The following FGF14 variants were observed in gnomAD, a reference collection of about 807,000 sequenced individuals.
The protein encoded by FGF14 is fibroblast growth factor 14, also known as fibroblast growth factor homologous factor 4.
In FGF14, 5 loss-of-function variants were observed where a neutral mutation model predicts 25.5. That is an observed-to-expected ratio of 0.20 (90% confidence interval 0.10 to 0.41). FGF14 has a LOEUF of 0.41. Ranked by LOEUF, FGF14 falls within the 10% of genes least tolerant of loss-of-function variation. The pLI is 1.00. For missense variants in FGF14, 222 were observed against 320.1 expected (o/e 0.69, Z 2.34); for synonymous variants, 138 against 118.3 (o/e 1.17, Z -1.08).
chr13:102,146,528 A>G (rs180807188), intron 1 of FGF14, among the ~76,000 whole-genome samples: 1 of 152,302 alleles, frequency 6.6e-6, no homozygotes, highest in East Asian at 1.9e-4. Context: ...TTACAGAGTA[A>G]TAAATACCGT....
chr13:101,959,607 C>T (rs1404705592), intron 1 of FGF14, among the ~76,000 whole-genome samples: 1 of 152,156 alleles, frequency 6.6e-6, no homozygotes, highest in Non-Finnish European at 1.5e-5. Context: ...TCCTCTGACT[C>T]CCAGCTACTG....
intron 1 of FGF14, among the ~76,000 whole-genome samples, chr13:102,360,962 G>A (rs1471120304): frequency 6.6e-6 from 1 of 152,004 alleles, no homozygotes; most frequent in Non-Finnish European, 1.5e-5. Context: ...TTAGATTGCT[G>A]TATCATTTGA....
At chr13:101,961,717 C>A (rs2036870093) in intron 1 of FGF14, among the ~76,000 whole-genome samples, 1 of 152,118 alleles carries the variant, frequency 6.6e-6, no homozygotes, top group South Asian at 2.1e-4. Flanking sequence ...TTATGAGGGC[C>A]TTTTCCCCTT....
At chr13:101,951,101 C>G (rs1389392092) in intron 1 of FGF14, among the ~76,000 whole-genome samples, 1 of 152,162 alleles carries the variant, frequency 6.6e-6, no homozygotes, top group Non-Finnish European at 1.5e-5. Flanking sequence ...GAAATTTATA[C>G]TACAAAAGTA....
rs1367881050 is a variant in FGF14 at position 101,916,590 on chromosome 13, T to C, written c.56A>G (p.Gln19Arg). Residue 19 changes from glutamine to arginine, a missense_variant, in exon 1 of 5, where the codon CAG becomes CGG. Gln to Arg is a conservative substitution (Grantham distance 43). Transcript: ENST00000376143. The stretch of plus-strand genomic sequence containing the variant: ...GCTGGCAGACGGCCGGTCCCAGTGC[T>C]GCTCCCGCGCCTGCCGCTTCTGGCG... ...LIRQKRQARE[Q>R]HWDRPSASRR... The C allele has an allele frequency of 3.8e-6, 6 of 1,596,094 alleles. No individual in the cohort carries two copies. The highest frequency in any genetic ancestry group is 5.1e-6 in the Non-Finnish European group (6 of 1,171,928).
intron 1 of FGF14, among the ~76,000 whole-genome samples, chr13:101,924,981 G>A (rs189611714): frequency 6.6e-6 from 1 of 152,268 alleles, no homozygotes; most frequent in Non-Finnish European, 1.5e-5. Context: ...AAAAAAAGGT[G>A]TGCATGTGCA....
At position 101,804,068 on chromosome 13, in the gene FGF14, TAAG is replaced by T. The variant is rs1446216113; in HGVS notation, c.408+64654_408+64656del. ...CTTAGAAAAAAAAAAAGCCAGAGAA[TAAG>T]AAGGAGCATGGGAAGGATGTGTTAC... On this transcript the variant is annotated intron_variant, in intron 3 of 4. Coordinates refer to ENST00000376143, the MANE Select transcript of FGF14 (RefSeq NM_004115.4). Among the ~76,000 whole-genome samples, 3 of 151,472 alleles carry T rather than the reference TAAG, an allele frequency of 2.0e-5. No individual in the cohort carries two copies. In the East Asian group the frequency reaches 5.8e-4, roughly 29 times the overall value.
intron 1 of FGF14, among the ~76,000 whole-genome samples, chr13:102,274,928 G>A (rs1186379969): frequency 6.7e-6 from 1 of 149,558 alleles, no homozygotes; most frequent in African/African-American, 2.5e-5. Context: ...AAATAATGAC[G>A]AGTAAAATAG....
At chr13:102,094,181 C>A (rs530678083) in intron 1 of FGF14, among the ~76,000 whole-genome samples, 2 of 151,750 alleles carry the variant, frequency 1.3e-5, no homozygotes, top group Non-Finnish European at 2.9e-5. Context: ...ATTGAAAATG[C>A]AGCTTTTATG....
intron 1 of FGF14, among the ~76,000 whole-genome samples, chr13:102,315,758 G>T (rs2055990675): frequency 6.6e-6 from 1 of 152,150 alleles, no homozygotes; most frequent in African/African-American, 2.4e-5. Context: ...AGAACCCCAA[G>T]CTTGAAATAA....
chr13:101,800,397 T>C (rs992702714), intron 3 of FGF14, among the ~76,000 whole-genome samples: 2 of 152,188 alleles, frequency 1.3e-5, no homozygotes, highest in Non-Finnish European at 1.5e-5. Context: ...TGTGTAATAA[T>C]GTGATAATAT....
Position 102,070,128 on chromosome 13 carries a change from T to G in FGF14, c.209-194832A>C, listed in dbSNP as rs141900594. 7.2e-5 allele frequency among the ~76,000 whole-genome samples: 11 copies of G among 152,270 alleles called. No homozygotes were observed. In the South Asian group the frequency reaches 8.3e-4, roughly 11 times the overall value. ...AATAGGAGAAAATATTTGCAAATGATCCATCTTACAAAGGATTAACCAGAA... is the reference window on the plus strand; with the variant it reads ...AATAGGAGAAAATATTTGCAAATGAGCCATCTTACAAAGGATTAACCAGAA... On this transcript the variant is annotated intron_variant, in intron 1 of 4. Coordinates refer to the FGF14 transcript ENST00000376131.
At chr13:102,062,117 C>T (rs866134116) in intron 1 of FGF14, among the ~76,000 whole-genome samples, 2 of 151,826 alleles carry the variant, frequency 1.3e-5, no homozygotes, top group Non-Finnish European at 2.9e-5. Context: ...AAAGTCTATG[C>T]AAAAAATAAG....
At chr13:101,822,324 T>A (rs1488352067) in intron 3 of FGF14, among the ~76,000 whole-genome samples, 1 of 152,132 alleles carries the variant, frequency 6.6e-6, no homozygotes, top group African/African-American at 2.4e-5. Flanking sequence ...AATATACTAG[T>A]CTATTCCAAT....
At position 101,960,652 on chromosome 13, in the gene FGF14, T is replaced by C. The variant is rs901529905; in HGVS notation, c.209-85356A>G. ...ATTGTGAATAGGGCTGCAATGAACA[T>C]ACACGTATATATATCTTTACAATAG... On this transcript the variant is annotated intron_variant, in intron 1 of 4. Transcript: ENST00000376131. Among the ~76,000 whole-genome samples, 7 of 152,318 alleles carry C rather than the reference T, an allele frequency of 4.6e-5. No homozygotes were observed. In the East Asian group the frequency reaches 5.8e-4, roughly 13 times the overall value.
intron 1 of FGF14, among the ~76,000 whole-genome samples, chr13:102,356,337 A>G (rs1469671294): frequency 6.6e-6 from 1 of 152,236 alleles, no homozygotes; most frequent in Non-Finnish European, 1.5e-5. Flanking sequence ...AGTTCTTCGC[A>G]AGAGAAGGAT....
chr13:101,956,768 C>CGA (rs2036537167), intron 1 of FGF14, among the ~76,000 whole-genome samples: 1 of 122,588 alleles, frequency 8.2e-6, no homozygotes, highest in Non-Finnish European at 1.8e-5. Context: ...TTCACTTTAC[C>CGA]AAAAAAAAAA....
At chr13:102,284,019 A>T (rs2053972487) in intron 1 of FGF14, among the ~76,000 whole-genome samples, 2 of 152,198 alleles carry the variant, frequency 1.3e-5, no homozygotes, top group African/African-American at 4.8e-5. Flanking sequence ...TAACTAGATG[A>T]TCCTTAATAT....
At chr13:101,901,588 C>T (rs1311013578) in intron 1 of FGF14, among the ~76,000 whole-genome samples, 1 of 152,092 alleles carries the variant, frequency 6.6e-6, no homozygotes, top group Non-Finnish European at 1.5e-5. Flanking sequence ...CCTGTAACCC[C>T]AGCTGCACAG....
Sources: gnomAD v4.1 joint callset for allele counts (sites outside exome capture counted in the v4.1 genomes callset) on GRCh38, gnomAD v4.1.1 for gene constraint, MANE v1.5 for transcripts, NCBI Gene and HGNC (gene_info 2026-07-23, HGNC 2026-07-21) for gene names.